SPTB: variants seen among roughly 807,000 people sequenced by gnomAD.
SPTB encodes the protein spectrin beta chain, erythrocytic.
A neutral mutation model predicts 256.2 loss-of-function variants in SPTB; 45 were observed. That is an observed-to-expected ratio of 0.18 (90% CI 0.14 to 0.23). The LOEUF (loss-of-function observed/expected upper bound fraction) is 0.23. SPTB is among the 10% of genes least tolerant of loss of function. SPTB has a pLI of 1.00. For missense variants in SPTB, 2,715 were observed against 3,040.4 expected (o/e 0.89, Z 2.52); for synonymous variants, 1,231 against 1,243.1 (o/e 0.99, Z 0.21).
chr14:64,800,720 G>A (rs1362168732), intron 8 of SPTB, 36 bp downstream of exon 8: 2 of 1,571,992 alleles, frequency 1.3e-6, no homozygotes, highest in East Asian at 2.2e-5. Context: ...GACAAACAGG[G>A]GAAGAGTGAC....
chr14:64,801,633 G>T, intron 6 of SPTB, 121 bp downstream of exon 6: 1 of 1,087,694 alleles, frequency 9.2e-7, no homozygotes, highest in Non-Finnish European at 1.4e-6. Context: ...GGCTGCTGAA[G>T]GGGAGAGGAG....
At chr14:64,766,264 TTG>T (rs1371774053) in intron 32 of SPTB, 355 of 461,994 alleles carry the variant, frequency 7.7e-4, no homozygotes, top group African/African-American at 6.9e-3. Flanking sequence ...GGGTGTGTAT[TTG>T]TGTGTGCATG....
At chr14:64,854,959 C>A (rs1254253767) in intron 1 of SPTB, among the ~76,000 whole-genome samples, 1 of 152,332 alleles carries the variant, frequency 6.6e-6, no homozygotes, top group Middle Eastern at 3.4e-3. Flanking sequence ...TCCATGATCA[C>A]CCCTTTCAGG....
intron 1 of SPTB, among the ~76,000 whole-genome samples, chr14:64,832,360 A>G (rs1328583810): frequency 6.6e-6 from 1 of 152,202 alleles, no homozygotes; most frequent in Non-Finnish European, 1.5e-5. Flanking sequence ...TTTGTCTTCC[A>G]AGACACGCTC....
rs1426495582 is a variant in SPTB at position 64,866,586 on chromosome 14, A to G, written c.-52+13206T>C. On this transcript the variant is annotated intron_variant, in intron 1 of 35. Coordinates refer to ENST00000644917, the MANE Select transcript of SPTB (RefSeq NM_001355436.2). The surrounding 1 kb of genome is among the most constrained non-coding windows in gnomAD (Gnocchi z 4.6). ...CACTGGGTGCAGGACGAGGCAGGAG[A>G]AGAGAGCGGCTGGATTGCAGTGGGA... Among the ~76,000 whole-genome samples, 1 of 152,084 alleles carries G rather than the reference A, an allele frequency of 6.6e-6. No individual in the cohort carries two copies. The highest frequency in any genetic ancestry group is 6.6e-5 in the Admixed American group (1 of 15,266).
chr14:64,801,044 A>C (rs1365131707), intron 7 of SPTB, among the ~76,000 whole-genome samples, 176 bp from the exon 8 acceptor site: 2 of 152,252 alleles, frequency 1.3e-5, no homozygotes, highest in African/African-American at 2.4e-5. Flanking sequence ...ACATTACAAA[A>C]GAAGAAAAGA....
chr14:64,748,911 AG>A lies in SPTB; in HGVS notation c.*394del, dbSNP rs1248596730. On this transcript the variant is annotated 3_prime_UTR_variant, in exon 36 of 36. Coordinates refer to ENST00000644917, the MANE Select transcript of SPTB (RefSeq NM_001355436.2). ...TGCTTTAGGAACGGGCAGCGTTTGAAGAACCCCATCAGCCTTCTCCAGCTCT... is the reference window on the plus strand; with the variant it reads ...TGCTTTAGGAACGGGCAGCGTTTGAAAACCCCATCAGCCTTCTCCAGCTCT... 5.4e-6 allele frequency: 1 copy of A among 184,152 alleles called. No individual in the cohort carries two copies. The highest frequency in any genetic ancestry group is 1.1e-5 in the Non-Finnish European group (1 of 90,342). The allele number at this position is 184,152 out of a possible 1,614,324, so 11.4% of individuals were successfully genotyped here.
At chr14:64,856,423 G>C (rs406811) in intron 1 of SPTB, among the ~76,000 whole-genome samples, 142,773 of 152,256 alleles carry the variant, frequency 0.94, 67,561 homozygotes, top group Non-Finnish European at 0.98. Flanking sequence ...GAACAGCTGA[G>C]CTGCCCCTGA....
chr14:64,750,195 T>A, intron 33 of SPTB, 41 bp from the exon 34 acceptor site: 3 of 1,601,204 alleles, frequency 1.9e-6, no homozygotes, highest in Non-Finnish European at 2.6e-6. Flanking sequence ...CATCCTGATA[T>A]GGTATCTCTA....
At chr14:64,781,500 C>T (rs2139541401) in intron 20 of SPTB, among the ~76,000 whole-genome samples, 1 of 152,252 alleles carries the variant, frequency 6.6e-6, no homozygotes, top group African/African-American at 2.4e-5. Context: ...AAATGCAAAT[C>T]ACAACCACAG....
chr14:64,763,798 T>C, intron 32 of SPTB: 1 of 518,914 alleles, frequency 1.9e-6, no homozygotes, highest in Admixed American at 1.9e-5. Context: ...CGTGCTCTAA[T>C]GTAAAAAGGC....
At chr14:64,766,946 G>T in intron 31 of SPTB, 145 bp from the exon 32 acceptor site, 1 of 1,068,602 alleles carries the variant, frequency 9.4e-7, no homozygotes. Flanking sequence ...ATGGTGCTTG[G>T]CAAGGAGCCG....
rs758045310 is a variant in SPTB at position 64,791,803 on chromosome 14, A to G, written c.2720T>C (p.Val907Ala). Residue 907 changes from valine (V) to alanine (A), a missense_variant, in exon 15 of 36, where the codon GTG becomes GCG. Val to Ala is a moderately conservative substitution (Grantham distance 64). Transcript: ENST00000644917. ...MKTLMTQIDG[V>A]NLAANSLVES... ...TACCAAGCTGTTGGCAGCGAGGTTCACACCATCAATCTGAGTCATCAAGGT... is the reference window on the plus strand; with the variant it reads ...TACCAAGCTGTTGGCAGCGAGGTTCGCACCATCAATCTGAGTCATCAAGGT... The G allele has an allele frequency of 3.1e-6, 5 of 1,614,168 alleles. No individual in the cohort carries two copies. The South Asian group carries it at 4.4e-5, about 14-fold the overall frequency.
At position 64,765,041 on chromosome 14, in the gene SPTB, T is replaced by TGTGTGTGTGTGTGTGC. The variant is rs570414192; in HGVS notation, c.6345+1684_6345+1685insGCACACACACACACAC. Among the ~76,000 whole-genome samples, 357 of 116,984 alleles carry TGTGTGTGTGTGTGTGC rather than the reference T, an allele frequency of 3.1e-3. 4 individuals are homozygous for TGTGTGTGTGTGTGTGC. The highest frequency in any genetic ancestry group is 0.011 in the African/African-American group (342 of 29,826). 76.7% of individuals were successfully genotyped at this position (116,984 alleles called of 152,430 possible). On this transcript the variant is annotated intron_variant, in intron 32 of 35. Coordinates refer to ENST00000644917, the MANE Select transcript of SPTB (RefSeq NM_001355436.2). ...GAGTGTGTGCGTGTGTGTGTGTGTG[T>TGTGTGTGTGTGTGTGC]GCGCGCGCGCGCGCGGGTGGTGGAT...
Position 64,769,613 on chromosome 14 carries a change from G to C in SPTB, c.5914C>G (p.Arg1972Gly). 6.2e-7 allele frequency: 1 copy of C among 1,614,012 alleles called. No individual in the cohort carries two copies. Among genetic ancestry groups the C allele is most frequent in the Non-Finnish European group, 8.5e-7 (1 of 1,180,038 alleles). ...ACCTCCTCTGAGGCCTGGTGCTGCCGCTGCAGCAGGGACTCGCCAAGCTCC... is the reference window on the plus strand; with the variant it reads ...ACCTCCTCTGAGGCCTGGTGCTGCCCCTGCAGCAGGGACTCGCCAAGCTCC... ...CLELGESLLQRQHQASEEIRE... is the reference protein window; with the variant it reads ...CLELGESLLQGQHQASEEIRE... The change falls in exon 28 of 36, where the codon CGG (arginine) becomes GGG (glycine). Residue 1972 changes from arginine (R) to glycine (G), a missense_variant. Arg to Gly is a moderately radical substitution (Grantham distance 125, BLOSUM62 -2). Transcript: ENST00000644917.
rs1594842386 is a variant in SPTB at position 64,850,905 on chromosome 14, T to C, written c.-51-27760A>G. On this transcript the variant is annotated intron_variant, in intron 1 of 35. Transcript: ENST00000644917. The stretch of plus-strand genomic sequence containing the variant: ...GGGTGACAACTGAAGGACCAGCTCA[T>C]TGCATGCAGTCTTTCAGACATTAGA... 3.3e-5 allele frequency among the ~76,000 whole-genome samples: 5 copies of C among 152,294 alleles called. No individual in the cohort carries two copies. In the East Asian group the frequency reaches 9.6e-4, roughly 29 times the overall value.
chr14:64,860,225 T>C (rs978888939), intron 1 of SPTB, among the ~76,000 whole-genome samples: 2 of 152,202 alleles, frequency 1.3e-5, no homozygotes, highest in Non-Finnish European at 2.9e-5. Flanking sequence ...CAGAGAACTT[T>C]CAGGAAACAA....
chr14:64,753,961 G>A lies in SPTB; in HGVS notation c.6346-168C>T. On this transcript the variant is annotated intron_variant, in intron 32 of 35. Transcript: ENST00000644917. Reference sequence around the variant, plus strand: ...CTGGCTCTCCCACAACCTGCTATGGGTGCCCCCTTGCTTCTCTACTCTGCC... The same window carrying A: ...CTGGCTCTCCCACAACCTGCTATGGATGCCCCCTTGCTTCTCTACTCTGCC... 3.6e-6 allele frequency: 3 copies of A among 840,504 alleles called. No individual in the cohort carries two copies. The East Asian group carries it at 8.0e-5, about 22-fold the overall frequency. The allele number at this position is 840,504 out of a possible 1,614,324, so 52.1% of individuals were successfully genotyped here.
chr14:64,762,697 C>G (rs1328861263), intron 32 of SPTB, among the ~76,000 whole-genome samples: 9 of 152,216 alleles, frequency 5.9e-5, no homozygotes, highest in Non-Finnish European at 1.3e-4. Flanking sequence ...GCTGGAAGGC[C>G]ACGCGGAAGA....
Sources: gnomAD v4.1 joint callset for allele counts (sites outside exome capture counted in the v4.1 genomes callset) on GRCh38, gnomAD v4.1.1 for gene constraint, Gnocchi (gnomAD v3.1) non-coding constraint, MANE v1.5 for transcripts, NCBI Gene and HGNC (gene_info 2026-07-23, HGNC 2026-07-21) for gene names.